The following PTPRM variants were observed in gnomAD, a reference collection of about 807,000 sequenced individuals.
PTPRM encodes receptor-type tyrosine-protein phosphatase mu.
In PTPRM, 47 loss-of-function variants were observed where a neutral mutation model predicts 186.7. The observed-to-expected ratio is 0.25, with a 90% confidence interval of 0.20 to 0.32. PTPRM has a LOEUF of 0.32. Among genes scored for constraint, PTPRM ranks in the 10% least tolerant of loss-of-function variants. The pLI, the probability that PTPRM is intolerant of heterozygous loss-of-function variation, is 1.00. For synonymous variants in PTPRM, 668 were observed against 674.9 expected, an observed-to-expected ratio of 0.99 and a Z score of 0.16; for missense variants, 1,494 against 1,865.0, an observed-to-expected ratio of 0.80 and a Z score of 3.66.
intron 4 of PTPRM, among the ~76,000 whole-genome samples, chr18:7,925,154 A>G (rs1035012694): frequency 6.6e-6 from 1 of 152,196 alleles, no homozygotes; most frequent in African/African-American, 2.4e-5. Flanking sequence ...AAATTCATTT[A>G]GGGACTTTTT....
intron 4 of PTPRM, among the ~76,000 whole-genome samples, chr18:7,911,227 G>A (rs186369181): frequency 6.6e-6 from 1 of 152,216 alleles, no homozygotes; most frequent in Non-Finnish European, 1.5e-5. Context: ...GAATAATGCT[G>A]CTGTGAACAT....
At chr18:8,281,190 C>T (rs1254461224) in intron 19 of PTPRM, among the ~76,000 whole-genome samples, 1 of 152,206 alleles carries the variant, frequency 6.6e-6, no homozygotes, top group Non-Finnish European at 1.5e-5. Context: ...ATCTGAGACA[C>T]ACAATGACAC....
intron 23 of PTPRM, among the ~76,000 whole-genome samples, chr18:8,355,543 A>C (rs2095559061): frequency 6.6e-6 from 1 of 152,082 alleles, no homozygotes; most frequent in South Asian, 2.1e-4. Context: ...AGAGCCCCAA[A>C]GGATTTGGGT....
chr18:8,238,625 CTCTG>C (rs2094374891), intron 14 of PTPRM, among the ~76,000 whole-genome samples: 1 of 117,784 alleles, frequency 8.5e-6, no homozygotes, highest in African/African-American at 3.1e-5. Context: ...TTGTTGTTTG[CTCTG>C]TCTCTTCACA....
chr18:8,063,212 C>G (rs1480124931), intron 7 of PTPRM, among the ~76,000 whole-genome samples: 2 of 151,094 alleles, frequency 1.3e-5, no homozygotes, highest in Non-Finnish European at 2.9e-5. Flanking sequence ...GTGGGAGTGA[C>G]CCGATTTTCC....
intron 7 of PTPRM, among the ~76,000 whole-genome samples, chr18:8,007,392 G>A (rs1346770827): frequency 1.3e-5 from 2 of 152,052 alleles, no homozygotes; most frequent in Non-Finnish European, 2.9e-5. Context: ...AATCCATAAA[G>A]CAATCCAGAG....
chr18:7,605,772 G>A (rs2143796456), intron 1 of PTPRM, among the ~76,000 whole-genome samples: 1 of 152,286 alleles, frequency 6.6e-6, no homozygotes, highest in Non-Finnish European at 1.5e-5. Flanking sequence ...GTAGTGATTT[G>A]GGAGAGGTCT....
At chr18:7,738,050 A>T (rs755273470) in intron 1 of PTPRM, among the ~76,000 whole-genome samples, 1 of 152,174 alleles carries the variant, frequency 6.6e-6, no homozygotes, top group African/African-American at 2.4e-5. Context: ...TTCCATAGAC[A>T]TAGAGTTTTA....
chr18:8,338,502 C>T (rs1383103383), intron 22 of PTPRM, among the ~76,000 whole-genome samples: 4 of 151,932 alleles, frequency 2.6e-5, no homozygotes, highest in Admixed American at 6.6e-5. Flanking sequence ...GAGTTGCTTC[C>T]GATGTTCAAA....
At chr18:7,926,782 AAG>A (rs1331466453) in intron 5 of PTPRM, 99 bp downstream of exon 5, 1 of 729,238 alleles carries the variant, frequency 1.4e-6, no homozygotes, top group Non-Finnish European at 2.1e-6. Flanking sequence ...GTCCTAGTGT[AAG>A]AGTTTCCTTC....
At chr18:7,735,372 G>C (rs540734902) in intron 1 of PTPRM, among the ~76,000 whole-genome samples, 1 of 152,076 alleles carries the variant, frequency 6.6e-6, no homozygotes, top group Non-Finnish European at 1.5e-5. Context: ...GCAGTGAGCC[G>C]AGATTGTGCC....
chr18:7,683,191 G>T (rs2039519395), intron 1 of PTPRM, among the ~76,000 whole-genome samples: 1 of 145,924 alleles, frequency 6.9e-6, no homozygotes, highest in African/African-American at 2.6e-5. Context: ...TTTGAGATGG[G>T]GTCTTGCTCT....
chr18:8,104,247 A>G (rs2091419546), intron 11 of PTPRM, among the ~76,000 whole-genome samples: 1 of 152,208 alleles, frequency 6.6e-6, no homozygotes. Context: ...TGTGAAGCCC[A>G]ATAATGTGAA....
At chr18:8,375,936 G>A in intron 24 of PTPRM, 110 bp from the exon 25 acceptor site, 2 of 1,192,962 alleles carry the variant, frequency 1.7e-6, no homozygotes, top group South Asian at 2.8e-5. Context: ...CTGTTTCCTG[G>A]CCCTAGACTT....
chr18:7,922,105 A>G (rs943043797), intron 4 of PTPRM, among the ~76,000 whole-genome samples: 1 of 152,118 alleles, frequency 6.6e-6, no homozygotes. Context: ...TTGGCACTAG[A>G]TGACACCTTA....
At chr18:7,634,195 T>C (rs1236699581) in intron 1 of PTPRM, among the ~76,000 whole-genome samples, 3 of 152,320 alleles carry the variant, frequency 2.0e-5, no homozygotes. Context: ...TAGTTGGCTG[T>C]ATCCTCCGTG....
chr18:7,958,207 CAAA>C (rs534178363), intron 7 of PTPRM, among the ~76,000 whole-genome samples: 4 of 115,288 alleles, frequency 3.5e-5, no homozygotes, highest in African/African-American at 6.7e-5. Context: ...CCATCCCCTG[CAAA>C]AAAAAAAAAA....
At chr18:8,188,268 C>T (rs573410744) in intron 14 of PTPRM, among the ~76,000 whole-genome samples, 11 of 152,220 alleles carry the variant, frequency 7.2e-5, no homozygotes, top group Non-Finnish European at 1.6e-4. Context: ...AGGAAAGGCT[C>T]CTCCCATACT....
intron 2 of PTPRM, among the ~76,000 whole-genome samples, chr18:7,820,444 A>T (rs1433774513): frequency 6.6e-6 from 1 of 152,118 alleles, no homozygotes; most frequent in East Asian, 1.9e-4. Flanking sequence ...ATAACCCCCA[A>T]ATCCATTCAC....
Sources: gnomAD v4.1 joint callset for allele counts (sites outside exome capture counted in the v4.1 genomes callset) on GRCh38, gnomAD v4.1.1 for gene constraint, MANE v1.5 for transcripts, NCBI Gene and HGNC (gene_info 2026-07-23, HGNC 2026-07-21) for gene names.